SNX29: variants seen among roughly 807,000 people sequenced by gnomAD.
SNX29 encodes the protein sorting nexin 29.
A neutral mutation model predicts 102.1 loss-of-function variants in SNX29; 78 were observed. The ratio of observed to expected loss-of-function variants is 0.76; its 90% CI spans 0.64 to 0.92. The LOEUF is 0.92. SNX29 is among the 40% of genes least tolerant of loss of function. SNX29 has a pLI of 0.00. For missense variants in SNX29, 1,280 were observed against 1,061.7 expected, an observed-to-expected ratio of 1.21 and a Z score of -2.86; for synonymous variants, 580 against 414.5, an observed-to-expected ratio of 1.40 and a Z score of -4.85.
intron 20 of SNX29, among the ~76,000 whole-genome samples, chr16:12,567,651 G>A (rs952144159): frequency 3.0e-4 from 45 of 152,096 alleles, no homozygotes; most frequent in African/African-American, 1.0e-3. Flanking sequence ...AGTCCCAGCT[G>A]CTCAGGAGGC....
intron 15 of SNX29, among the ~76,000 whole-genome samples, chr16:12,305,280 C>A (rs570364840): frequency 3.7e-4 from 56 of 152,286 alleles, no homozygotes; most frequent in African/African-American, 1.1e-3. Context: ...AGAGGTGTGA[C>A]GAGGTTAGAC....
chr16:12,333,106 A>ATT (rs34047585), intron 15 of SNX29, among the ~76,000 whole-genome samples: 7,359 of 135,680 alleles, frequency 0.054, 502 homozygotes, highest in African/African-American at 0.14. Context: ...CAATCAGTTA[A>ATT]TTTTTTTTTT....
At chr16:12,531,327 A>T (rs1428508916) in intron 20 of SNX29, among the ~76,000 whole-genome samples, 1 of 152,168 alleles carries the variant, frequency 6.6e-6, no homozygotes, top group African/African-American at 2.4e-5. Flanking sequence ...AGGTGTGTGA[A>T]CTCAGGGCTG....
At chr16:12,197,344 C>T (rs1002577896) in intron 13 of SNX29, among the ~76,000 whole-genome samples, 2 of 151,872 alleles carry the variant, frequency 1.3e-5, no homozygotes, top group African/African-American at 2.4e-5. Flanking sequence ...CTGAGGTGGG[C>T]GGATCACTTA....
chr16:12,333,345 TCTGC>T (rs1469449334), intron 15 of SNX29, among the ~76,000 whole-genome samples: 1 of 151,912 alleles, frequency 6.6e-6, no homozygotes, highest in Non-Finnish European at 1.5e-5. Context: ...GACCTCGTGA[TCTGC>T]CTGCCTCGGC....
At chr16:12,218,242 G>C (rs2077377011) in intron 14 of SNX29, among the ~76,000 whole-genome samples, 3 of 152,128 alleles carry the variant, frequency 2.0e-5, no homozygotes, top group Admixed American at 2.0e-4. Context: ...AACAAGTCTA[G>C]CAGTGCAGAG....
chr16:12,335,033 T>C (rs1010185721), intron 15 of SNX29, among the ~76,000 whole-genome samples: 3 of 150,710 alleles, frequency 2.0e-5, no homozygotes, highest in Non-Finnish European at 2.9e-5. Context: ...CCAAGATGCA[T>C]GTGAGGGGAG....
At chr16:12,544,193 C>T (rs2077478189) in intron 20 of SNX29, among the ~76,000 whole-genome samples, 1 of 152,154 alleles carries the variant, frequency 6.6e-6, no homozygotes, top group African/African-American at 2.4e-5. Context: ...GCACATCAGC[C>T]AAGGCTTCAG....
At chr16:12,540,414 C>G (rs1173192656) in intron 20 of SNX29, among the ~76,000 whole-genome samples, 2 of 152,206 alleles carry the variant, frequency 1.3e-5, no homozygotes, top group African/African-American at 2.4e-5. Flanking sequence ...CTAAAAACTA[C>G]AGATTTATTC....
intron 20 of SNX29, among the ~76,000 whole-genome samples, chr16:12,558,125 G>T (rs79907251): frequency 5.5e-4 from 84 of 152,322 alleles, no homozygotes; most frequent in African/African-American, 2.0e-3. Flanking sequence ...AAGACCAGCA[G>T]CATTCAGGGA....
At chr16:12,455,577 C>G (rs2151732437) in intron 18 of SNX29, among the ~76,000 whole-genome samples, 1 of 152,362 alleles carries the variant, frequency 6.6e-6, no homozygotes, top group African/African-American at 2.4e-5. Context: ...GTTTCTTCCT[C>G]TGTCTTAGGT....
chr16:12,283,529 C>G (rs2079500607), intron 15 of SNX29, among the ~76,000 whole-genome samples: 1 of 152,004 alleles, frequency 6.6e-6, no homozygotes, highest in Non-Finnish European at 1.5e-5. Context: ...CCATGTTGGT[C>G]AGGATGGTCT....
rs887673434 is a variant in SNX29, at chr16:12,061,556, C to G, written c.1153C>G (p.Gln385Glu). 1 of 1,609,218 alleles carries G rather than the reference C, an allele frequency of 6.2e-7. No homozygotes were observed. The change falls in exon 9 of 21, where the codon CAG becomes GAG. Residue 385 changes from glutamine to glutamate, a missense_variant. Gln to Glu is a conservative substitution (Grantham distance 29, BLOSUM62 2). Coordinates refer to ENST00000566228, the MANE Select transcript of SNX29 (RefSeq NM_032167.5). Reference protein sequence around the residue: ...KPLEGNTCLSQMHSWAPLKVL... With the variant: ...KPLEGNTCLSEMHSWAPLKVL... Reference sequence around the variant, plus strand: ...ACTGGAAGGGAACACCTGCCTCTCCCAGATGCACAGCTGGGCTCCGCTGAA... The same window carrying G: ...ACTGGAAGGGAACACCTGCCTCTCCGAGATGCACAGCTGGGCTCCGCTGAA...
At chr16:12,527,962 C>G (rs1406040262) in intron 20 of SNX29, among the ~76,000 whole-genome samples, 3 of 149,864 alleles carry the variant, frequency 2.0e-5, no homozygotes, top group African/African-American at 7.4e-5. Context: ...GTAGCTGGGA[C>G]TACATGTGCC....
intron 20 of SNX29, among the ~76,000 whole-genome samples, chr16:12,554,208 C>G (rs866671074): frequency 2.0e-5 from 3 of 152,318 alleles, no homozygotes; most frequent in East Asian, 3.9e-4. Context: ...GAACGATGAG[C>G]ATATATAGAG....
At chr16:12,165,812 C>T (rs1470830642) in intron 13 of SNX29, among the ~76,000 whole-genome samples, 1 of 152,258 alleles carries the variant, frequency 6.6e-6, no homozygotes, top group Non-Finnish European at 1.5e-5. Flanking sequence ...GATCCACCTG[C>T]CTCGGCCTCC....
intron 18 of SNX29, among the ~76,000 whole-genome samples, chr16:12,424,802 A>T (rs76700600): frequency 0.035 from 5,389 of 152,246 alleles, 160 homozygotes; most frequent in South Asian, 0.062. Context: ...TATGGATCAG[A>T]CACTGTGTTA....
chr16:12,329,687 C>T (rs114752330), intron 15 of SNX29, among the ~76,000 whole-genome samples: 1,619 of 152,300 alleles, frequency 0.011, 23 homozygotes, highest in African/African-American at 0.037. Flanking sequence ...TTCTGCTATG[C>T]GTTGGCTCAC....
chr16:12,058,850 G>A (rs1417949494), intron 8 of SNX29, among the ~76,000 whole-genome samples: 3 of 145,040 alleles, frequency 2.1e-5, no homozygotes, highest in African/African-American at 5.1e-5. Flanking sequence ...TGGAGGAAGT[G>A]GTATGATCTC....
Sources: allele counts gnomAD v4.1 joint callset (sites outside exome capture counted in the v4.1 genomes callset), GRCh38; gene constraint gnomAD v4.1.1; transcripts MANE v1.5; gene names NCBI Gene and HGNC (gene_info 2026-07-23, HGNC 2026-07-21).